PDE9A: variants seen among roughly 807,000 people sequenced by gnomAD.
The protein encoded by PDE9A is phosphodiesterase 9A, also known as high affinity cGMP-specific 3',5'-cyclic phosphodiesterase 9A.
Under a neutral mutation model 87.4 loss-of-function variants are expected in PDE9A, and 60 were observed. The observed-to-expected ratio is 0.69, with a 90% CI of 0.56 to 0.85. PDE9A has a LOEUF of 0.85. Ranked by LOEUF, PDE9A falls within the 40% of genes least tolerant of loss-of-function variation. PDE9A has a pLI of 0.00. For missense variants in PDE9A, 665 were observed against 779.0 expected (o/e 0.85, Z 1.74); for synonymous variants, 272 against 279.4 (o/e 0.97, Z 0.27).
rs1432407788 is a variant in PDE9A at position 42,722,121 on chromosome 21, A to C, written c.263-9649A>C. On this transcript the variant is annotated intron_variant, in intron 4 of 19. Coordinates refer to ENST00000291539, the MANE Select transcript of PDE9A (RefSeq NM_002606.3). This position sits in a 1 kb window ranked among gnomAD's most constrained non-coding sequence, Gnocchi z 4.1. ...CTCCCGAGTAGCTGGGATTACAGGC[A>C]CGTACCACCATGCCCAGCTAATTTT... Among the ~76,000 whole-genome samples, 1 of 151,914 alleles carries C rather than the reference A, an allele frequency of 6.6e-6. No individual in the cohort carries two copies. Among genetic ancestry groups the C allele is most frequent in the Admixed American group, 6.6e-5 (1 of 15,254 alleles).
At chr21:42,686,336 C>A in intron 2 of PDE9A, 74 bp downstream of exon 2, 5 of 1,211,372 alleles carry the variant, frequency 4.1e-6, no homozygotes, top group South Asian at 1.2e-5. Flanking sequence ...CTGGGAGGGG[C>A]GGGAAGAGGC....
intron 2 of PDE9A, 32 bp downstream of exon 2, chr21:42,686,294 C>T (rs773479946): frequency 6.9e-6 from 11 of 1,584,162 alleles, no homozygotes; most frequent in Middle Eastern, 1.7e-4. Context: ...TGCCCGGTGA[C>T]GCCACGCGGC....
intron 7 of PDE9A, among the ~76,000 whole-genome samples, chr21:42,742,174 T>A (rs2053350307): frequency 6.6e-6 from 1 of 152,146 alleles, no homozygotes; most frequent in South Asian, 2.1e-4. Context: ...ACTGTTGAGG[T>A]ACACCTTTGC....
rs1213434531 is a variant in PDE9A at position 42,762,153 on chromosome 21, T to G, written c.1156T>G (p.Cys386Gly). The change falls in exon 14 of 20, where the codon TGC becomes GGC. Residue 386 changes from cysteine to glycine, a missense_variant. Coordinates refer to ENST00000291539, the MANE Select transcript of PDE9A (RefSeq NM_002606.3). Reference sequence around the variant, plus strand: ...CATCTCACCGCTGGAGAACCACCACTGCGCCGTGGCCTTCCAGATCCTCGC... The same window carrying G: ...CATCTCACCGCTGGAGAACCACCACGGCGCCGTGGCCTTCCAGATCCTCGC... ...NDISPLENHH[C>G]AVAFQILAEP... is the part of the protein sequence containing the mutation. The G allele has an allele frequency of 8.7e-6, 14 of 1,614,136 alleles. No homozygotes were observed. The highest frequency in any genetic ancestry group is 1.1e-5 in the Non-Finnish European group (13 of 1,179,956).
intron 13 of PDE9A, among the ~76,000 whole-genome samples, chr21:42,761,639 G>A (rs1406865027): frequency 6.6e-6 from 1 of 152,138 alleles, no homozygotes; most frequent in African/African-American, 2.4e-5. Flanking sequence ...GCTCCTCCCG[G>A]GGCCATCACC....
intron 7 of PDE9A, among the ~76,000 whole-genome samples, chr21:42,736,722 G>A (rs1417253966): frequency 6.6e-6 from 1 of 152,134 alleles, no homozygotes; most frequent in East Asian, 1.9e-4. Context: ...AGGTCAGGGG[G>A]GACTCTCCTC....
In PDE9A at chr21:42,675,769, G is replaced by C. The variant is rs370308902; in HGVS notation, c.70-10423G>C. 3.9e-5 allele frequency among the ~76,000 whole-genome samples: 6 copies of C among 152,312 alleles called. No individual in the cohort carries two copies. In the East Asian group the frequency reaches 7.7e-4, roughly 20 times the overall value. On this transcript the variant is annotated intron_variant, in intron 1 of 19. Transcript: ENST00000291539. This position sits in a 1 kb window ranked among gnomAD's most constrained non-coding sequence, Gnocchi z 4.3. ...GACTGTCGTGCAAAATTATGGCCCA[G>C]TCTTACAACCAGGGTATTGACAGCG...
chr21:42,680,159 C>G (rs1001542569), intron 1 of PDE9A, among the ~76,000 whole-genome samples: 1 of 152,238 alleles, frequency 6.6e-6, no homozygotes, highest in Non-Finnish European at 1.5e-5. Context: ...GAGGCTTCTC[C>G]TTTTTACCTC....
chr21:42,734,325 G>A (rs1446746574), intron 7 of PDE9A: 1 of 152,178 alleles, frequency 6.6e-6, no homozygotes, highest in Non-Finnish European at 1.5e-5. Context: ...ACAGCTTCAA[G>A]TCACCCACCC....
intron 3 of PDE9A, among the ~76,000 whole-genome samples, chr21:42,689,288 G>A (rs921440366): frequency 3.3e-5 from 5 of 152,202 alleles, no homozygotes; most frequent in Non-Finnish European, 5.9e-5. Context: ...GGCTGTGCCC[G>A]TCAGTCTCCC....
chr21:42,681,362 T>C (rs987647997), intron 1 of PDE9A, among the ~76,000 whole-genome samples: 3 of 152,252 alleles, frequency 2.0e-5, no homozygotes, highest in Non-Finnish European at 4.4e-5. Flanking sequence ...GTGTATGCTG[T>C]GATCAAGCAT....
chr21:42,693,664 C>T (rs1482111726), intron 3 of PDE9A, among the ~76,000 whole-genome samples: 2 of 147,794 alleles, frequency 1.4e-5, no homozygotes, highest in Non-Finnish European at 3.0e-5. Flanking sequence ...GTGATCTCAG[C>T]TCACTGCAAC....
chr21:42,682,383 CAAAG>C (rs2059216588), intron 1 of PDE9A, among the ~76,000 whole-genome samples: 1 of 152,182 alleles, frequency 6.6e-6, no homozygotes, highest in African/African-American at 2.4e-5. Context: ...AACATAATCT[CAAAG>C]AGAGATTATT....
chr21:42,701,444 A>C (rs1388999793), intron 4 of PDE9A, among the ~76,000 whole-genome samples: 1 of 143,814 alleles, frequency 7.0e-6, no homozygotes, highest in Admixed American at 6.9e-5. Context: ...TTTTTTTTTC[A>C]AAGAGAGAGA....
At chr21:42,727,489 A>ATTTTTTTTTTTTTTTTTTT (rs58515760) in intron 4 of PDE9A, among the ~76,000 whole-genome samples, 1 of 88,340 alleles carries the variant, frequency 1.1e-5, no homozygotes. Flanking sequence ...ACGCCTGGCT[A>ATTTTTTTTTTTTTTTTTTT]TTTTTTTTTT....
intron 4 of PDE9A, among the ~76,000 whole-genome samples, chr21:42,706,595 G>A (rs1281595061): frequency 1.3e-5 from 2 of 150,224 alleles, no homozygotes; most frequent in African/African-American, 4.9e-5. Flanking sequence ...AGCAAGCCGA[G>A]ATCACACCAC....
chr21:42,768,970 G>C, intron 16 of PDE9A, 57 bp from the exon 17 acceptor site: 1 of 1,543,900 alleles, frequency 6.5e-7, no homozygotes, highest in Admixed American at 1.9e-5. Flanking sequence ...TGAGAACAGC[G>C]ATCTGGTTAT....
intron 1 of PDE9A, among the ~76,000 whole-genome samples, chr21:42,681,260 G>C (rs1051752602): frequency 6.6e-6 from 1 of 152,186 alleles, no homozygotes; most frequent in Non-Finnish European, 1.5e-5. Flanking sequence ...TTACCCAAAG[G>C]GCTTCCTGTT....
chr21:42,761,062 T>G (rs2055708069), intron 13 of PDE9A, among the ~76,000 whole-genome samples, 155 bp downstream of exon 13: 1 of 152,230 alleles, frequency 6.6e-6, no homozygotes, highest in African/African-American at 2.4e-5. Context: ...GCTCCTGGCT[T>G]CTGGACTTTG....
Sources: gnomAD v4.1 joint callset for allele counts (sites outside exome capture counted in the v4.1 genomes callset) on GRCh38, gnomAD v4.1.1 for gene constraint, Gnocchi (gnomAD v3.1) non-coding constraint, MANE v1.5 for transcripts, NCBI Gene and HGNC (gene_info 2026-07-23, HGNC 2026-07-21) for gene names.